ZNF814: variants seen among roughly 807,000 people sequenced by gnomAD.
ZNF814 encodes the protein zinc finger protein 814.
Under a neutral mutation model 7.5 loss-of-function variants are expected in ZNF814, and 5 were observed. That is an observed-to-expected ratio of 0.67 (90% CI 0.35 to 1.40). The LOEUF (loss-of-function observed/expected upper bound fraction) is 1.40, where lower values mean the gene tolerates loss of function less well. ZNF814 is among the 40% of genes most tolerant of loss of function. ZNF814 has a pLI of 0.04. For missense variants in ZNF814, 962 were observed against 1,018.0 expected (o/e 0.94, Z 0.75); for synonymous variants, 315 against 340.7 (o/e 0.92, Z 0.83).
chr19:57,884,705 A>G (rs2071675197), intron 1 of ZNF814, among the ~76,000 whole-genome samples: 2 of 152,218 alleles, frequency 1.3e-5, no homozygotes, highest in Admixed American at 1.3e-4. Context: ...GAGAATGCAC[A>G]TCATCTCACC....
At position 57,883,660 on chromosome 19, in the gene ZNF814, C is replaced by CA. The variant is rs112035326; in HGVS notation, c.36+5106dup. Among the ~76,000 whole-genome samples, 748 of 129,406 alleles carry CA rather than the reference C, an allele frequency of 5.8e-3. 4 individuals are homozygous for CA. Among genetic ancestry groups the CA allele is most frequent in the Middle Eastern group, 0.037 (9 of 244 alleles). The allele number at this position is 129,406 out of a possible 152,430, so 84.9% of individuals were successfully genotyped here. On this transcript the variant is annotated intron_variant, in intron 1 of 2. Transcript: ENST00000435989. ...TGGGTGACAGAGAGAGACCCTGTCT[C>CA]AAAAAAAAAAAAAAAATCAAAATGG...
upstream of ZNF814, among the ~76,000 whole-genome samples, chr19:57,892,006 C>A (rs1466499789): frequency 1.3e-5 from 2 of 152,190 alleles, no homozygotes; most frequent in Admixed American, 6.5e-5. Context: ...CCCACCTCAG[C>A]CTCCCAAAGT....
rs142809269 is a variant in ZNF814, at chr19:57,885,648, A to C, written c.36+3119T>G. Among the ~76,000 whole-genome samples the C allele has an allele frequency of 2.5e-3, 374 of 151,956 alleles. 2 individuals carry two copies. The highest frequency in any genetic ancestry group is 8.8e-3 in the African/African-American group (366 of 41,432). ...GTGTCTCAAAAAAAAAAAAAACAAAAAACAAAGAATAAGATCTAGAAAAAG... is the reference window on the plus strand; with the variant it reads ...GTGTCTCAAAAAAAAAAAAAACAAACAACAAAGAATAAGATCTAGAAAAAG... On this transcript the variant is annotated intron_variant, in intron 1 of 2. Transcript: ENST00000435989.
At chr19:57,887,370 G>T (rs1000955699) in intron 1 of ZNF814, among the ~76,000 whole-genome samples, 1 of 152,164 alleles carries the variant, frequency 6.6e-6, no homozygotes, top group African/African-American at 2.4e-5. Flanking sequence ...ACTCTTCCTT[G>T]TAAGACTGCA....
the ZNF814 span, among the ~76,000 whole-genome samples, chr19:57,900,024 G>A: frequency 6.6e-6 from 1 of 152,062 alleles, no homozygotes; most frequent in Non-Finnish European, 1.5e-5. Context: ...CTAAATCTAA[G>A]ATATTTCCAT....
At position 57,888,794 on chromosome 19, in the gene ZNF814, G is replaced by T; in HGVS notation, c.9C>A (p.Ala3=). The change falls in exon 1 of 3, where the codon GCC becomes GCA. Residue 3 remains alanine, a synonymous_variant. Coordinates refer to ENST00000435989, the MANE Select transcript of ZNF814 (RefSeq NM_001144989.2). ...GAGCGGAGAGCCTCAGCGTAGCCGCGGCAGCCATCGAACCACGTGGTTTTA... is the reference window on the plus strand; with the variant it reads ...GAGCGGAGAGCCTCAGCGTAGCCGCTGCAGCCATCGAACCACGTGGTTTTA... MA[A]AATLRLSAQG... The T allele has an allele frequency of 2.6e-6, 4 of 1,551,934 alleles. No individual in the cohort carries two copies. The South Asian group carries it at 3.6e-5, about 14-fold the overall frequency.
In ZNF814 at chr19:57,876,724, C is replaced by T. The variant is rs2071609689; in HGVS notation, c.163+192G>A. The T allele has an allele frequency of 1.2e-5, 10 of 855,014 alleles. No individual in the cohort carries two copies. The East Asian group carries it at 2.9e-4, about 25-fold the overall frequency. 53.0% of individuals were successfully genotyped at this position (855,014 alleles called of 1,614,324 possible). On this transcript the variant is annotated intron_variant, in intron 2 of 2. Coordinates refer to ENST00000435989, the MANE Select transcript of ZNF814 (RefSeq NM_001144989.2). ...CCCTCCCTGGGAGCCTGCAGTAAAG[C>T]AGGTGTTGGGGCTGCTCCAAGAAAG...
chr19:57,887,921 T>C (rs143456475), intron 1 of ZNF814, among the ~76,000 whole-genome samples: 3 of 152,358 alleles, frequency 2.0e-5, no homozygotes, highest in Admixed American at 2.0e-4. Context: ...TTAAATTGTT[T>C]GTTTCTCTGT....
chr19:57,898,808 G>A, the ZNF814 span, among the ~76,000 whole-genome samples: 1 of 152,116 alleles, frequency 6.6e-6, no homozygotes, highest in African/African-American at 2.4e-5. Flanking sequence ...GGGTGTGGCG[G>A]CATGTGCCTG....
At chr19:57,904,550 T>C in the ZNF814 span, among the ~76,000 whole-genome samples, 3 of 152,330 alleles carry the variant, frequency 2.0e-5, no homozygotes, top group African/African-American at 7.2e-5. Flanking sequence ...TGCTGGACAC[T>C]GCAGGTATCT....
chr19:57,896,144 G>A, the ZNF814 span, among the ~76,000 whole-genome samples: 2 of 146,384 alleles, frequency 1.4e-5, no homozygotes, highest in African/African-American at 2.6e-5. This position sits in a 1 kb window ranked among gnomAD's most constrained non-coding sequence, Gnocchi z 4.2. Context: ...GCCTTTGAGC[G>A]AGCCACTTTT....
chr19:57,873,993 C>T lies in ZNF814; in HGVS notation c.1397G>A (p.Cys466Tyr), dbSNP rs1387656515. The change falls in exon 3 of 3, where the codon TGT becomes TAT. Residue 466 changes from cysteine to tyrosine, a missense_variant. By Grantham distance (194) the Cys-to-Tyr change is radical. This residue lies in a region of ZNF814 where 665 missense variants were observed against 551.4 expected (regional missense o/e 1.21). Coordinates refer to ENST00000435989, the MANE Select transcript of ZNF814 (RefSeq NM_001144989.2). Reference sequence around the variant, plus strand: ...ACTGAAAGATTTCACACATTCTCCACACTTGAAAGGTCTTTCTCCGGCGTG... The same window carrying T: ...ACTGAAAGATTTCACACATTCTCCATACTTGAAAGGTCTTTCTCCGGCGTG... ...RVHAGERPFK[C>Y]GECVKSFSHK... 6.2e-7 allele frequency: 1 copy of T among 1,614,120 alleles called. No individual in the cohort carries two copies. Among genetic ancestry groups the T allele is most frequent in the Admixed American group, 1.7e-5 (1 of 59,998 alleles).
intron 1 of ZNF814, among the ~76,000 whole-genome samples, chr19:57,883,329 T>A (rs1333461427): frequency 7.6e-6 from 1 of 131,644 alleles, no homozygotes; most frequent in Non-Finnish European, 1.6e-5. Context: ...CACTGCACTC[T>A]AGCCTGGGCG....
In ZNF814 at chr19:57,873,688, G is replaced by A. The variant is rs1245067125; in HGVS notation, c.1702C>T (p.Arg568Ter). 17 of 1,613,624 alleles carry A rather than the reference G, an allele frequency of 1.1e-5. No homozygotes were observed. The highest frequency in any genetic ancestry group is 1.4e-5 in the Non-Finnish European group (17 of 1,179,850). Residue 568 changes from arginine (R) to a stop codon, truncating the protein, a stop_gained, in exon 3 of 3, where the codon CGA (arginine) becomes TGA (stop). Transcript: ENST00000435989. LOFTEE classifies it low-confidence loss of function (END_TRUNC). Reference protein sequence around the residue: ...SHKGTLILHQRVHPRERSYGC... With the variant: ...SHKGTLILHQ ...TAAGATCTTTCTCTAGGGTGAACTCGCTGATGTAGAATGAGGGTGCCTTTA... is the reference window on the plus strand; with the variant it reads ...TAAGATCTTTCTCTAGGGTGAACTCACTGATGTAGAATGAGGGTGCCTTTA...
intron 2 of ZNF814, among the ~76,000 whole-genome samples, chr19:57,875,964 T>G (rs1159892919): frequency 7.8e-6 from 1 of 128,060 alleles, no homozygotes; most frequent in Non-Finnish European, 1.7e-5. Context: ...TTTTTTTTTT[T>G]TTTTTTTTTT....
intron 2 of ZNF814, among the ~76,000 whole-genome samples, chr19:57,875,911 G>A (rs1213761072): frequency 2.1e-5 from 3 of 140,652 alleles, no homozygotes; most frequent in African/African-American, 7.9e-5. Flanking sequence ...TTTCAATAAA[G>A]CCCTGACTCC....
chr19:57,900,554 C>T, the ZNF814 span: 2 of 152,036 alleles, frequency 1.3e-5, no homozygotes, highest in African/African-American at 2.4e-5. Flanking sequence ...ACTTTTCTGC[C>T]GGTGAAGTCC....
Position 57,872,602 on chromosome 19 carries a change from T to C in ZNF814, c.*220A>G. 1 of 1,255,816 alleles carries C rather than the reference T, an allele frequency of 8.0e-7. No individual in the cohort carries two copies. Among genetic ancestry groups the C allele is most frequent in the South Asian group, 1.4e-5 (1 of 72,216 alleles). 77.8% of individuals were successfully genotyped at this position (1,255,816 alleles called of 1,614,324 possible). A position where few individuals can be genotyped will look rare whatever the true frequency, so the allele number is the denominator to read the frequency against. Reference sequence around the variant, plus strand: ...CCTTACTCCAGTGTGAACTCTCCTGTGTTTAATGAGACTGAAAGTTTCAGC... The same window carrying C: ...CCTTACTCCAGTGTGAACTCTCCTGCGTTTAATGAGACTGAAAGTTTCAGC... On this transcript the variant is annotated 3_prime_UTR_variant, in exon 3 of 3. Coordinates refer to ENST00000435989, the MANE Select transcript of ZNF814 (RefSeq NM_001144989.2).
the ZNF814 span, among the ~76,000 whole-genome samples, chr19:57,898,562 G>A: frequency 1.3e-5 from 2 of 152,300 alleles, no homozygotes; most frequent in East Asian, 1.9e-4. Context: ...GAAAAAACTG[G>A]AGGCTTTAAA....
Sources: allele counts gnomAD v4.1 joint callset (sites outside exome capture counted in the v4.1 genomes callset), GRCh38; gene constraint gnomAD v4.1.1; regional missense constraint gnomAD v4.1.1; non-coding constraint Gnocchi (gnomAD v3.1); transcripts MANE v1.5; gene names NCBI Gene and HGNC (gene_info 2026-07-23, HGNC 2026-07-21).